MAX: variants seen among roughly 807,000 people sequenced by gnomAD.
The protein encoded by MAX is protein max.
MAX carries 3 observed loss-of-function variants against 22.3 expected under a neutral mutation model. That is an observed-to-expected ratio of 0.13 (90% confidence interval 0.06 to 0.35). The LOEUF is 0.35. MAX is among the 10% of genes least tolerant of loss of function. The probability of loss-of-function intolerance (pLI) is 1.00; values close to 1 mark genes in which losing one functional copy is unlikely to be tolerated. For missense variants in MAX, 119 were observed against 209.4 expected (o/e 0.57, Z 2.66); for synonymous variants, 72 against 77.7 (o/e 0.93, Z 0.39).
At chr14:65,089,003 A>G (rs1288762118) in intron 3 of MAX, among the ~76,000 whole-genome samples, 2 of 152,228 alleles carry the variant, frequency 1.3e-5, no homozygotes, top group African/African-American at 4.8e-5. Context: ...TAAAGCTCTT[A>G]TCTGATGCTC....
chr14:65,026,532 T>A (rs1208233991), intron 3 of MAX, among the ~76,000 whole-genome samples: 1 of 152,214 alleles, frequency 6.6e-6, no homozygotes, highest in Non-Finnish European at 1.5e-5. Context: ...GCCTCTCTTC[T>A]GTTCTCCCAG....
intron 3 of MAX, among the ~76,000 whole-genome samples, chr14:65,060,961 G>T (rs369009577): frequency 1.3e-5 from 2 of 149,682 alleles, no homozygotes; most frequent in East Asian, 3.9e-4. Flanking sequence ...TGCCTGTATC[G>T]TTAAATATTT....
intron 3 of MAX, among the ~76,000 whole-genome samples, chr14:65,081,255 A>G (rs2063192059): frequency 6.6e-6 from 1 of 152,216 alleles, no homozygotes; most frequent in East Asian, 1.9e-4. Flanking sequence ...TTCCCAGGGT[A>G]CCCAACAAGA....
Position 65,054,450 on chromosome 14 carries a change from C to A in MAX, c.171+39258G>T. 1.0e-6 allele frequency: 1 copy of A among 975,392 alleles called. No homozygotes were observed. Among genetic ancestry groups the A allele is most frequent in the South Asian group, 1.6e-5 (1 of 63,888 alleles). The allele number at this position is 975,392 out of a possible 1,614,324, so 60.4% of individuals were successfully genotyped here. A position where few individuals can be genotyped will look rare whatever the true frequency, so the allele number is the denominator to read the frequency against. Reference sequence around the variant, plus strand: ...AACACTGCTGGGAAAACCATGCCTCCTCTAGCCACATGGAGGATGGGGGGG... The same window carrying A: ...AACACTGCTGGGAAAACCATGCCTCATCTAGCCACATGGAGGATGGGGGGG... On this transcript the variant is annotated intron_variant, in intron 3 of 3. Coordinates refer to the MAX transcript ENST00000341653. The surrounding 1 kb of genome is among the most constrained non-coding windows in gnomAD (Gnocchi z 4.4).
In MAX at chr14:65,014,434, G is replaced by T. The variant is rs115850415; in HGVS notation, c.172-8150C>A. 4.4e-3 allele frequency among the ~76,000 whole-genome samples: 670 copies of T among 152,270 alleles called. 8 individuals carry two copies. The highest frequency in any genetic ancestry group is 0.016 in the African/African-American group (651 of 41,544). On this transcript the variant is annotated intron_variant, in intron 3 of 3. Transcript: ENST00000341653. This position sits in a 1 kb window ranked among gnomAD's most constrained non-coding sequence, Gnocchi z 5.1. ...GGTATATGTACACGTGTTGGTTCCA[G>T]AAAGACATGAGGTAACTTATATGTC...
chr14:65,045,838 A>G (rs1037888249), intron 3 of MAX, among the ~76,000 whole-genome samples: 4 of 152,206 alleles, frequency 2.6e-5, no homozygotes, highest in African/African-American at 9.7e-5. Flanking sequence ...ACTGGGCTTT[A>G]GGTGTCAGTA....
At chr14:65,017,555 G>A (rs370943114) in intron 3 of MAX, among the ~76,000 whole-genome samples, 4 of 152,176 alleles carry the variant, frequency 2.6e-5, no homozygotes, top group East Asian at 1.9e-4. Context: ...TGTCAGCGCC[G>A]CTTCTGGGGC....
At chr14:65,021,732 A>G (rs2061889415) in intron 3 of MAX, among the ~76,000 whole-genome samples, 1 of 151,986 alleles carries the variant, frequency 6.6e-6, no homozygotes, top group African/African-American at 2.4e-5. Flanking sequence ...TGCAACTTCC[A>G]CCTTCCGGGT....
At position 65,088,849 on chromosome 14, in the gene MAX, G is replaced by GTA. The variant is rs1023887276; in HGVS notation, c.171+4857_171+4858dup. On this transcript the variant is annotated intron_variant, in intron 3 of 4. Coordinates refer to ENST00000358664, the MANE Select transcript of MAX (RefSeq NM_002382.5). The surrounding 1 kb of genome is among the most constrained non-coding windows in gnomAD (Gnocchi z 5.2). ...TATTAAGTATAATATATAAATGTGT[G>GTA]TACATAAAAGTATAAATGCTATGAG... Among the ~76,000 whole-genome samples the GTA allele has an allele frequency of 7.0e-4, 106 of 152,254 alleles. 1 individual carries two copies. Among genetic ancestry groups the GTA allele is most frequent in the African/African-American group, 2.5e-3 (104 of 41,550 alleles).
intron 3 of MAX, chr14:65,083,898 T>C (rs2063257731): frequency 2.4e-6 from 3 of 1,267,774 alleles, no homozygotes; most frequent in Non-Finnish European, 3.0e-6. Flanking sequence ...AAGCCATCTT[T>C]TGAAAACCAA....
At chr14:65,094,478 C>A (rs918711232) in intron 2 of MAX, among the ~76,000 whole-genome samples, 1 of 152,230 alleles carries the variant, frequency 6.6e-6, no homozygotes, top group Non-Finnish European at 1.5e-5. Context: ...TGCTATCCTG[C>A]CAAGGGCTTC....
rs1327230059 is a variant in MAX, at chr14:65,069,508, T to C, written c.171+24200A>G. ...CAAGGCCCAGCCTTTATAAGCTGCCTAGATTGCCCCAGTAGCCAGCACAAT... is the reference window on the plus strand; with the variant it reads ...CAAGGCCCAGCCTTTATAAGCTGCCCAGATTGCCCCAGTAGCCAGCACAAT... On this transcript the variant is annotated intron_variant, in intron 3 of 3. Coordinates refer to the MAX transcript ENST00000341653. The surrounding 1 kb of genome is among the most constrained non-coding windows in gnomAD (Gnocchi z 4.6). Among the ~76,000 whole-genome samples, 1 of 152,238 alleles carries C rather than the reference T, an allele frequency of 6.6e-6. No individual in the cohort carries two copies. The highest frequency in any genetic ancestry group is 1.5e-5 in the Non-Finnish European group (1 of 68,034).
rs1368076512 is a variant in MAX, at chr14:65,030,525, G to A, written c.172-24241C>T. Among the ~76,000 whole-genome samples, 3 of 152,116 alleles carry A rather than the reference G, an allele frequency of 2.0e-5. No individual in the cohort carries two copies. The highest frequency in any genetic ancestry group is 7.2e-5 in the African/African-American group (3 of 41,422). On this transcript the variant is annotated intron_variant, in intron 3 of 3. Coordinates refer to the MAX transcript ENST00000341653. This position sits in a 1 kb window ranked among gnomAD's most constrained non-coding sequence, Gnocchi z 4.5. Reference sequence around the variant, plus strand: ...AGACTGAGATGAGAGAATCACTTGAGGCCAGGAGTTCAAGACCAACCTGGG... The same window carrying A: ...AGACTGAGATGAGAGAATCACTTGAAGCCAGGAGTTCAAGACCAACCTGGG...
At chr14:65,061,789 G>A (rs897024554) in intron 3 of MAX, 7 of 155,428 alleles carry the variant, frequency 4.5e-5, no homozygotes, top group African/African-American at 1.7e-4. Flanking sequence ...TAAGACTGTG[G>A]TGGAGTTGCA....
intron 1 of MAX, among the ~76,000 whole-genome samples, chr14:65,101,944 C>T (rs1305793429): frequency 6.6e-6 from 1 of 152,222 alleles, no homozygotes; most frequent in Non-Finnish European, 1.5e-5. Flanking sequence ...GGGGCAGGTC[C>T]TGAACGCCGT....
At chr14:65,048,539 TAGA>T (rs772341791) in intron 3 of MAX, among the ~76,000 whole-genome samples, 3 of 152,120 alleles carry the variant, frequency 2.0e-5, no homozygotes, top group Non-Finnish European at 4.4e-5. Flanking sequence ...AGTATTTGAG[TAGA>T]AGAAGGAATT....
chr14:65,063,099 A>T (rs1192016622), intron 3 of MAX, among the ~76,000 whole-genome samples: 1 of 152,204 alleles, frequency 6.6e-6, no homozygotes, highest in Non-Finnish European at 1.5e-5. Context: ...GAGGCCAAGA[A>T]CATGGATGTC....
chr14:65,070,734 G>C (rs2062979448), downstream of MAX, among the ~76,000 whole-genome samples: 1 of 152,218 alleles, frequency 6.6e-6, no homozygotes, highest in South Asian at 2.1e-4. The surrounding 1 kb of genome is among the most constrained non-coding windows in gnomAD (Gnocchi z 4.4). Flanking sequence ...TTCTGCTCAA[G>C]GGGTCCCTGA....
chr14:65,075,496 T>A lies in MAX; in HGVS notation c.*980A>T. On this transcript the variant is annotated 3_prime_UTR_variant, in exon 5 of 5. Transcript: ENST00000358664. This position sits in a 1 kb window ranked among gnomAD's most constrained non-coding sequence, Gnocchi z 4.1. ...AGGTAAATTGCTCTTGGTATTTACATACAAAATCAGTTGGCTCTATTTCTT... is the reference window on the plus strand; with the variant it reads ...AGGTAAATTGCTCTTGGTATTTACAAACAAAATCAGTTGGCTCTATTTCTT... The A allele has an allele frequency of 9.4e-7, 1 of 1,064,748 alleles. No individual in the cohort carries two copies. The highest frequency in any genetic ancestry group is 1.1e-6 in the Non-Finnish European group (1 of 878,668). The allele number at this position is 1,064,748 out of a possible 1,614,324, so 66.0% of individuals were successfully genotyped here. A position where few individuals can be genotyped will look rare whatever the true frequency, so the allele number is the denominator to read the frequency against.
Sources: gnomAD v4.1 joint callset for allele counts (sites outside exome capture counted in the v4.1 genomes callset) on GRCh38, gnomAD v4.1.1 for gene constraint, Gnocchi (gnomAD v3.1) non-coding constraint, MANE v1.5 for transcripts, NCBI Gene and HGNC (gene_info 2026-07-23, HGNC 2026-07-21) for gene names.